SPAG16: variants seen among roughly 807,000 people sequenced by gnomAD.
SPAG16 encodes the protein sperm associated antigen 16.
Under a neutral mutation model 80.4 loss-of-function variants are expected in SPAG16, and 86 were observed. The ratio of observed to expected loss-of-function variants is 1.07; its 90% CI spans 0.90 to 1.28. The LOEUF is 1.28. SPAG16 is among the 50% of genes most tolerant of loss of function. The pLI is 0.00. For synonymous variants in SPAG16, 294 were observed against 265.9 expected (o/e 1.11, Z -1.03); for missense variants, 870 against 765.3 (o/e 1.14, Z -1.61).
chr2:214,313,665 T>C (rs1695482207), intron 15 of SPAG16, among the ~76,000 whole-genome samples: 1 of 152,094 alleles, frequency 6.6e-6, no homozygotes, highest in African/African-American at 2.4e-5. Context: ...TATTTTTCTC[T>C]TTTTTCACAT....
intron 15 of SPAG16, among the ~76,000 whole-genome samples, chr2:214,183,147 C>T (rs551397604): frequency 8.6e-5 from 13 of 151,952 alleles, no homozygotes; most frequent in East Asian, 5.8e-4. Flanking sequence ...AATTACTGCC[C>T]GCTTCCCTCA....
chr2:213,507,610 G>C (rs2075017960), intron 10 of SPAG16, among the ~76,000 whole-genome samples: 1 of 152,086 alleles, frequency 6.6e-6, no homozygotes. Context: ...CCTGAGACAG[G>C]GCCTTATCAA....
chr2:213,315,048 A>C (rs1484667819), intron 4 of SPAG16, among the ~76,000 whole-genome samples: 2 of 151,978 alleles, frequency 1.3e-5, no homozygotes, highest in East Asian at 3.8e-4. Context: ...ATTATGATTT[A>C]TAATATGAAA....
At chr2:213,796,060 T>C (rs2071009183) in intron 10 of SPAG16, among the ~76,000 whole-genome samples, 1 of 152,174 alleles carries the variant, frequency 6.6e-6, no homozygotes, top group South Asian at 2.1e-4. Context: ...ATACGATATA[T>C]CTTAATAAAA....
chr2:213,857,135 C>T (rs1463500045), intron 10 of SPAG16, among the ~76,000 whole-genome samples: 1 of 152,140 alleles, frequency 6.6e-6, no homozygotes, highest in African/African-American at 2.4e-5. Context: ...GAGGCTGAAG[C>T]TGGAAAATTG....
At chr2:213,562,612 A>G (rs1299845466) in intron 10 of SPAG16, among the ~76,000 whole-genome samples, 2 of 152,084 alleles carry the variant, frequency 1.3e-5, no homozygotes, top group Non-Finnish European at 1.5e-5. Context: ...AGATGGTGCT[A>G]TCTTCTCTCT....
intron 9 of SPAG16, among the ~76,000 whole-genome samples, chr2:213,392,833 G>A (rs951711690): frequency 2.0e-5 from 3 of 151,062 alleles, no homozygotes; most frequent in African/African-American, 7.3e-5. Context: ...GTGATGGAGC[G>A]AGACTCTGTC....
chr2:213,465,084 A>G (rs562452796), intron 9 of SPAG16, among the ~76,000 whole-genome samples: 19 of 152,186 alleles, frequency 1.2e-4, no homozygotes, highest in African/African-American at 4.1e-4. Context: ...TGGCCTTTAC[A>G]ATGTATTATG....
intron 15 of SPAG16, among the ~76,000 whole-genome samples, chr2:214,229,319 G>A (rs1325836815): frequency 6.6e-6 from 1 of 151,746 alleles, no homozygotes; most frequent in Non-Finnish European, 1.5e-5. Flanking sequence ...CAGTAGAGTA[G>A]GGGAGAAAAT....
chr2:213,393,687 AT>A (rs368815227), intron 9 of SPAG16, among the ~76,000 whole-genome samples: 5 of 150,174 alleles, frequency 3.3e-5, no homozygotes, highest in African/African-American at 4.9e-5. Flanking sequence ...AAATAGTGTC[AT>A]TTTTTTTTCA....
At chr2:213,659,439 G>GT (rs888277758) in intron 10 of SPAG16, among the ~76,000 whole-genome samples, 1 of 151,656 alleles carries the variant, frequency 6.6e-6, no homozygotes, top group African/African-American at 2.4e-5. Context: ...AACAGATTTT[G>GT]TTTTAAAAAA....
At chr2:214,145,507 A>G (rs2125553500) in intron 14 of SPAG16, among the ~76,000 whole-genome samples, 1 of 152,270 alleles carries the variant, frequency 6.6e-6, no homozygotes, top group East Asian at 1.9e-4. Flanking sequence ...TTTTTCTCTT[A>G]TAAATTCTCA....
chr2:214,398,059 G>T (rs539416691), intron 15 of SPAG16, among the ~76,000 whole-genome samples: 1 of 152,112 alleles, frequency 6.6e-6, no homozygotes, highest in African/African-American at 2.4e-5. Context: ...AGACTGCTAG[G>T]CAATAGAGGT....
At chr2:214,355,079 C>G (rs1472616647) in intron 15 of SPAG16, among the ~76,000 whole-genome samples, 1 of 151,936 alleles carries the variant, frequency 6.6e-6, no homozygotes, top group Non-Finnish European at 1.5e-5. Flanking sequence ...TAGAAGAAAA[C>G]CTACGCATTA....
At chr2:213,979,264 T>C (rs565234381) in intron 12 of SPAG16, among the ~76,000 whole-genome samples, 1 of 151,934 alleles carries the variant, frequency 6.6e-6, no homozygotes, top group South Asian at 2.1e-4. Context: ...AAAAAAGAAA[T>C]GTTGGGGGGT....
chr2:213,449,513 A>G lies in SPAG16; in HGVS notation c.943-40450A>G, dbSNP rs534719907. Among the ~76,000 whole-genome samples the G allele has an allele frequency of 3.3e-5, 5 of 152,316 alleles. No homozygotes were observed. The South Asian group carries it at 6.2e-4, about 19-fold the overall frequency. On this transcript the variant is annotated intron_variant, in intron 9 of 15. Coordinates refer to ENST00000331683, the MANE Select transcript of SPAG16 (RefSeq NM_024532.5). ...TCAGGCAGGCATCATGGTCCTACCG[A>G]TATGTGATGTCACCCCTCGCGGCCC...
chr2:214,099,594 G>A (rs962544095), intron 13 of SPAG16, among the ~76,000 whole-genome samples: 3 of 152,024 alleles, frequency 2.0e-5, no homozygotes, highest in Non-Finnish European at 2.9e-5. Flanking sequence ...AGATACATGA[G>A]ACAGTGAGGA....
intron 10 of SPAG16, among the ~76,000 whole-genome samples, chr2:213,844,313 CAAG>C (rs985147244): frequency 1.8e-4 from 27 of 151,908 alleles, no homozygotes; most frequent in African/African-American, 6.0e-4. Flanking sequence ...AAGATGGAGT[CAAG>C]AAGGAGGAGA....
chr2:213,369,108 G>A (rs1005264000), intron 8 of SPAG16, among the ~76,000 whole-genome samples: 3 of 152,138 alleles, frequency 2.0e-5, no homozygotes, highest in African/African-American at 7.2e-5. Flanking sequence ...TCAGAATTGT[G>A]TATCCAATAA....
Sources: gnomAD v4.1 joint callset for allele counts (sites outside exome capture counted in the v4.1 genomes callset) on GRCh38, gnomAD v4.1.1 for gene constraint, MANE v1.5 for transcripts, NCBI Gene and HGNC (gene_info 2026-07-23, HGNC 2026-07-21) for gene names.